Variants in CNTN4 observed in about 807,000 individuals in gnomAD.
CNTN4 encodes the protein contactin 4, also known as contactin-4.
CNTN4 carries 77 observed loss-of-function variants against 122.5 expected under a neutral mutation model. The observed-to-expected ratio is 0.63, with a 90% CI of 0.52 to 0.76. The LOEUF is 0.76. Among genes scored for constraint, CNTN4 ranks in the 30% least tolerant of loss-of-function variants. The pLI is 0.00. For synonymous variants in CNTN4, 512 were observed against 447.0 expected, an observed-to-expected ratio of 1.15 and a Z score of -1.83; for missense variants, 1,256 against 1,259.1, an observed-to-expected ratio of 1.00 and a Z score of 0.04.
chr3:2,410,956 T>G (rs2047205654), intron 3 of CNTN4, among the ~76,000 whole-genome samples: 1 of 152,232 alleles, frequency 6.6e-6, no homozygotes, highest in Non-Finnish European at 1.5e-5. Context: ...TGCTCTTAAC[T>G]GTAGTCTCAT....
intron 4 of CNTN4, among the ~76,000 whole-genome samples, chr3:2,630,523 T>C (rs752723130): frequency 3.3e-5 from 5 of 152,212 alleles, no homozygotes; most frequent in Non-Finnish European, 7.3e-5. Flanking sequence ...GTTTGCTGAC[T>C]ATTGCTTTAC....
At chr3:2,878,440 C>A (rs1225402062) in intron 8 of CNTN4, among the ~76,000 whole-genome samples, 1 of 152,150 alleles carries the variant, frequency 6.6e-6, no homozygotes, top group African/African-American at 2.4e-5. Context: ...CCTTACCCAT[C>A]ACATTTTTTC....
intron 3 of CNTN4, among the ~76,000 whole-genome samples, chr3:2,352,338 T>C (rs999224280): frequency 2.0e-5 from 3 of 152,096 alleles, no homozygotes; most frequent in Non-Finnish European, 4.4e-5. Context: ...TGGGAGCCCC[T>C]CTCTGGGCTG....
intron 3 of CNTN4, among the ~76,000 whole-genome samples, chr3:2,414,783 A>G (rs2151062069): frequency 6.6e-6 from 1 of 152,298 alleles, no homozygotes. Context: ...ATTTTTATAA[A>G]GCCACCATTA....
intron 3 of CNTN4, among the ~76,000 whole-genome samples, chr3:2,433,022 C>T (rs1039452452): frequency 5.9e-5 from 9 of 151,810 alleles, no homozygotes; most frequent in African/African-American, 9.7e-5. Flanking sequence ...GGGGTTTTGC[C>T]GTGTTGCTCA....
At position 2,419,989 on chromosome 3, in the gene CNTN4, A is replaced by G. The variant is rs746187773; in HGVS notation, c.-89+80756A>G. ...CCAGGTGTGGATGCTGCCAAAAGCCACGGTCATTGGCAACATGACATCTGG... is the reference window on the plus strand; with the variant it reads ...CCAGGTGTGGATGCTGCCAAAAGCCGCGGTCATTGGCAACATGACATCTGG... On this transcript the variant is annotated intron_variant, in intron 3 of 24. Coordinates refer to ENST00000418658, the MANE Select transcript of CNTN4 (RefSeq NM_175607.3). 1.2e-3 allele frequency among the ~76,000 whole-genome samples: 181 copies of G among 152,322 alleles called. 1 individual carries two copies. The highest frequency in any genetic ancestry group is 9.7e-4 in the East Asian group (5 of 5,176).
intron 4 of CNTN4, among the ~76,000 whole-genome samples, chr3:2,692,888 T>C (rs2085818249): frequency 6.6e-6 from 1 of 151,950 alleles, no homozygotes; most frequent in South Asian, 2.1e-4. Context: ...CTAAAAAAAC[T>C]AATGACTAAA....
At chr3:2,512,908 G>C (rs2076931149) in intron 3 of CNTN4, among the ~76,000 whole-genome samples, 1 of 152,196 alleles carries the variant, frequency 6.6e-6, no homozygotes, top group South Asian at 2.1e-4. Context: ...TGAGGACAGA[G>C]TATGTTCTCA....
At chr3:2,646,799 G>C (rs2083143799) in intron 4 of CNTN4, among the ~76,000 whole-genome samples, 1 of 152,064 alleles carries the variant, frequency 6.6e-6, no homozygotes, top group Non-Finnish European at 1.5e-5. Flanking sequence ...TCCTCACATG[G>C]CCTTTCCTCT....
At chr3:3,038,231 C>G (rs1699792814) in intron 18 of CNTN4, among the ~76,000 whole-genome samples, 1 of 152,152 alleles carries the variant, frequency 6.6e-6, no homozygotes, top group Non-Finnish European at 1.5e-5. Context: ...TTTCCCCTTC[C>G]AAAACCATAA....
rs566485947 is a variant in CNTN4 at position 2,952,803 on chromosome 3, A to G, written c.1358+27024A>G. Among the ~76,000 whole-genome samples, 3 of 152,336 alleles carry G rather than the reference A, an allele frequency of 2.0e-5. No homozygotes were observed. In the East Asian group the frequency reaches 5.8e-4, roughly 29 times the overall value. On this transcript the variant is annotated intron_variant, in intron 13 of 24. Transcript: ENST00000418658. ...GCATCAAATCTCTAGTATTCTAATT[A>G]GAATGCAATACCAACTATGGGAATT...
At chr3:2,535,867 A>G (rs923251823) in intron 3 of CNTN4, among the ~76,000 whole-genome samples, 3 of 152,098 alleles carry the variant, frequency 2.0e-5, no homozygotes, top group African/African-American at 7.2e-5. Context: ...AAAATGTTTG[A>G]GATGTCTCTG....
intron 4 of CNTN4, among the ~76,000 whole-genome samples, chr3:2,653,114 AT>A (rs2083439037): frequency 6.6e-6 from 1 of 152,110 alleles, no homozygotes; most frequent in African/African-American, 2.4e-5. Flanking sequence ...GTTCTCTATC[AT>A]TTTTAAAGGG....
chr3:3,004,824 T>C (rs1007255171), intron 14 of CNTN4, among the ~76,000 whole-genome samples: 1 of 152,218 alleles, frequency 6.6e-6, no homozygotes, highest in Non-Finnish European at 1.5e-5. Flanking sequence ...TGTACTTGGC[T>C]TCACAATAAA....
At position 2,967,177 on chromosome 3, in the gene CNTN4, T is replaced by C. The variant is rs148724941; in HGVS notation, c.1359-21168T>C. Among the ~76,000 whole-genome samples the C allele has an allele frequency of 2.7e-3, 412 of 152,182 alleles. 11 individuals are homozygous for C. The highest frequency in any genetic ancestry group is 0.023 in the Admixed American group (345 of 15,278). On this transcript the variant is annotated intron_variant, in intron 13 of 24. Transcript: ENST00000418658. ...GAGTCAGGAGTTCTGATTGGTTGAG[T>C]TGGAGATGAACACATAGGAAGTCGT...
chr3:2,374,980 C>A (rs1317114923), intron 3 of CNTN4, among the ~76,000 whole-genome samples: 1 of 152,080 alleles, frequency 6.6e-6, no homozygotes, highest in Non-Finnish European at 1.5e-5. Flanking sequence ...TTAGCAAAGT[C>A]CCAATCCACT....
chr3:2,772,610 C>T (rs572984897), intron 6 of CNTN4, among the ~76,000 whole-genome samples: 47 of 152,148 alleles, frequency 3.1e-4, no homozygotes, highest in African/African-American at 1.0e-3. Context: ...TGAAAAGTGC[C>T]ACTGTCAATA....
chr3:2,198,434 G>T (rs1315944640), intron 2 of CNTN4, among the ~76,000 whole-genome samples: 2 of 151,884 alleles, frequency 1.3e-5, no homozygotes, highest in African/African-American at 4.8e-5. Context: ...GTATCATGAT[G>T]ATTTTTACTA....
At chr3:2,762,896 T>C (rs1179649470) in intron 6 of CNTN4, among the ~76,000 whole-genome samples, 3 of 151,818 alleles carry the variant, frequency 2.0e-5, no homozygotes, top group East Asian at 1.9e-4. Flanking sequence ...TATCTCATTG[T>C]GGTTTTGATT....
Sources: gnomAD v4.1 joint callset for allele counts (sites outside exome capture counted in the v4.1 genomes callset) on GRCh38, gnomAD v4.1.1 for gene constraint, MANE v1.5 for transcripts, NCBI Gene and HGNC (gene_info 2026-07-23, HGNC 2026-07-21) for gene names.